Variants in SAMD12 observed in about 807,000 individuals in gnomAD.
The protein encoded by SAMD12 is sterile alpha motif domain-containing protein 12.
Under a neutral mutation model 15.0 loss-of-function variants are expected in SAMD12, and 9 were observed. The observed-to-expected ratio is 0.60, with a 90% CI of 0.36 to 1.05. The LOEUF (loss-of-function observed/expected upper bound fraction) is 1.05. Ranked by LOEUF, SAMD12 falls within the 50% of genes least tolerant of loss-of-function variation. SAMD12 has a pLI of 0.01. For missense variants in SAMD12, 230 were observed against 234.2 expected (o/e 0.98, Z 0.12); for synonymous variants, 86 against 90.1 (o/e 0.96, Z 0.25).
chr8:118,228,677 A>C (rs948795669), intron 4 of SAMD12, among the ~76,000 whole-genome samples: 2 of 152,224 alleles, frequency 1.3e-5, no homozygotes, highest in Non-Finnish European at 2.9e-5. Context: ...GAACACTTCT[A>C]CACTGCTGGT....
intron 2 of SAMD12, among the ~76,000 whole-genome samples, chr8:118,491,574 C>T (rs1824440961): frequency 6.6e-6 from 1 of 152,168 alleles, no homozygotes; most frequent in African/African-American, 2.4e-5. Context: ...ACATCTCCAT[C>T]CCCCTGAGGA....
At chr8:118,178,094 A>G in the SAMD12 span, among the ~76,000 whole-genome samples, 2 of 152,238 alleles carry the variant, frequency 1.3e-5, no homozygotes, top group South Asian at 4.1e-4. Flanking sequence ...TAATTCCATG[A>G]GTACAGTATT....
chr8:118,366,858 AAATAAAATAAAATAAAATAAAAT>A (rs1166385892), intron 4 of SAMD12, among the ~76,000 whole-genome samples: 15 of 127,876 alleles, frequency 1.2e-4, no homozygotes, highest in Non-Finnish European at 1.8e-4. Context: ...AAATAAAATA[AAATAAAATAAAATAAAATAAAAT>A]AATAAAATAA....
At chr8:118,514,688 G>T (rs1382443983) in intron 2 of SAMD12, among the ~76,000 whole-genome samples, 3 of 152,188 alleles carry the variant, frequency 2.0e-5, no homozygotes, top group African/African-American at 7.2e-5. Context: ...TGCCTACCTT[G>T]AACTAAATTG....
At chr8:118,204,579 C>G (rs1211856749) in intron 4 of SAMD12, among the ~76,000 whole-genome samples, 1 of 151,966 alleles carries the variant, frequency 6.6e-6, no homozygotes, top group Non-Finnish European at 1.5e-5. Context: ...ATGGTGAAAC[C>G]CCATCTCCAC....
At chr8:118,249,914 A>G (rs1487606904) in intron 4 of SAMD12, among the ~76,000 whole-genome samples, 1 of 152,154 alleles carries the variant, frequency 6.6e-6, no homozygotes, top group Non-Finnish European at 1.5e-5. Context: ...TGTTGGCCTC[A>G]TCACTATTTG....
At chr8:118,323,269 C>T (rs1029924645) in intron 4 of SAMD12, among the ~76,000 whole-genome samples, 5 of 152,040 alleles carry the variant, frequency 3.3e-5, no homozygotes, top group Non-Finnish European at 7.4e-5. Flanking sequence ...AATATATATG[C>T]CCTATTTATA....
intron 2 of SAMD12, among the ~76,000 whole-genome samples, chr8:118,505,244 G>A (rs2131050610): frequency 6.6e-6 from 1 of 152,240 alleles, no homozygotes; most frequent in East Asian, 1.9e-4. Context: ...AAGTCTCAGG[G>A]CTGACTTTGT....
At chr8:118,558,193 T>C (rs1826598040) in intron 2 of SAMD12, among the ~76,000 whole-genome samples, 1 of 152,226 alleles carries the variant, frequency 6.6e-6, no homozygotes, top group African/African-American at 2.4e-5. Flanking sequence ...TTTTGCCTTG[T>C]ATGCACAAGA....
chr8:118,560,656 A>T (rs1276184437), intron 2 of SAMD12, among the ~76,000 whole-genome samples: 1 of 151,512 alleles, frequency 6.6e-6, no homozygotes, highest in Non-Finnish European at 1.5e-5. Flanking sequence ...AACATACCTT[A>T]TTTTTTTTTC....
At chr8:118,386,733 A>G in intron 3 of SAMD12, among the ~76,000 whole-genome samples, 1 of 152,208 alleles carries the variant, frequency 6.6e-6, no homozygotes, top group East Asian at 1.9e-4. Context: ...TCTGGTCTCT[A>G]TTCCAGGTGC....
chr8:118,204,513 G>A (rs953174674), intron 4 of SAMD12, among the ~76,000 whole-genome samples: 1 of 152,156 alleles, frequency 6.6e-6, no homozygotes, highest in Non-Finnish European at 1.5e-5. Context: ...CCAGCACTTT[G>A]GGAGGCCGAG....
intron 4 of SAMD12, among the ~76,000 whole-genome samples, chr8:118,333,226 ATTTCCAACAGTCACCTCCTC>A (rs1213108895): frequency 6.6e-6 from 1 of 152,118 alleles, no homozygotes; most frequent in Non-Finnish European, 1.5e-5. Context: ...TGAACTTCTA[ATTTCCAACAGTCACCTCCTC>A]TCTGTGCACA....
At chr8:118,282,091 T>C (rs1399322915) in intron 4 of SAMD12, 1 of 346,826 alleles carries the variant, frequency 2.9e-6, no homozygotes, top group Non-Finnish European at 5.6e-6. Flanking sequence ...AATAACTTAA[T>C]TTGCCTCAGT....
intron 4 of SAMD12, among the ~76,000 whole-genome samples, chr8:118,357,132 T>C (rs1422183722): frequency 6.6e-6 from 1 of 152,194 alleles, no homozygotes; most frequent in Non-Finnish European, 1.5e-5. Context: ...GGAGAAATAA[T>C]CAAAGGGTTC....
At chr8:118,489,402 T>C (rs929974939) in intron 2 of SAMD12, among the ~76,000 whole-genome samples, 2 of 152,206 alleles carry the variant, frequency 1.3e-5, no homozygotes, top group Non-Finnish European at 1.5e-5. Context: ...TCAGGAATTT[T>C]TGCCTAATCT....
chr8:118,203,605 T>G (rs1157828218), intron 4 of SAMD12, among the ~76,000 whole-genome samples: 1 of 152,104 alleles, frequency 6.6e-6, no homozygotes, highest in African/African-American at 2.4e-5. Flanking sequence ...TTTATTATTA[T>G]TATACTTTAA....
chr8:118,331,670 G>A (rs1816812398), intron 4 of SAMD12, among the ~76,000 whole-genome samples: 2 of 152,180 alleles, frequency 1.3e-5, no homozygotes, highest in South Asian at 4.1e-4. Context: ...GGAAATGGAG[G>A]CACATGAACA....
chr8:118,192,517 A>G (rs1819434178), exon 5 of SAMD12: 1 of 152,160 alleles, frequency 6.6e-6, no homozygotes, highest in Admixed American at 6.6e-5. Context: ...GGCTGTTATT[A>G]ATACTCTGCA....
Sources: allele counts gnomAD v4.1 joint callset (sites outside exome capture counted in the v4.1 genomes callset), GRCh38; gene constraint gnomAD v4.1.1; transcripts MANE v1.5; gene names NCBI Gene and HGNC (gene_info 2026-07-23, HGNC 2026-07-21).